The following MTRF1 variants were observed in gnomAD, a reference collection of about 807,000 sequenced individuals.
MTRF1 encodes mitochondrial translation release factor 1.
Under a neutral mutation model 62.9 loss-of-function variants are expected in MTRF1, and 51 were observed. The ratio of observed to expected loss-of-function variants is 0.81; its 90% CI spans 0.65 to 1.02. MTRF1 has a LOEUF of 1.02. Among genes scored for constraint, MTRF1 ranks in the 50% least tolerant of loss-of-function variants. The pLI, the probability that MTRF1 is intolerant of heterozygous loss-of-function variation, is 0.00. For synonymous variants in MTRF1, 158 were observed against 181.9 expected, an observed-to-expected ratio of 0.87 and a Z score of 1.06; for missense variants, 446 against 530.0, an observed-to-expected ratio of 0.84 and a Z score of 1.56.
At chr13:41,258,033 G>A (rs2039958799) in intron 2 of MTRF1, among the ~76,000 whole-genome samples, 1 of 152,194 alleles carries the variant, frequency 6.6e-6, no homozygotes, top group South Asian at 2.1e-4. Context: ...AAGGCTGAAA[G>A]AAGTTATGCC....
intron 6 of MTRF1, among the ~76,000 whole-genome samples, chr13:41,238,249 C>T (rs1327559015): frequency 6.6e-6 from 1 of 152,062 alleles, no homozygotes; most frequent in Admixed American, 6.6e-5. Context: ...CTAACTGTGT[C>T]AGAAAGCATA....
chr13:41,257,842 C>A (rs576136034), intron 2 of MTRF1: 3 of 415,044 alleles, frequency 7.2e-6, no homozygotes, highest in African/African-American at 6.1e-5. Context: ...ATATATCCTA[C>A]CTCATAAGGT....
the MTRF1 span, among the ~76,000 whole-genome samples, chr13:41,284,416 G>C: frequency 5.3e-5 from 8 of 151,238 alleles, no homozygotes; most frequent in Admixed American, 2.0e-4. Context: ...CTGGGAAGCA[G>C]AGGCTGCAGT....
chr13:41,233,975 T>A lies in MTRF1; in HGVS notation c.903A>T (p.Arg301=), dbSNP rs777548939. The change falls in exon 7 of 10, where the codon CGA becomes CGT. Residue 301 remains arginine (R), a synonymous_variant. Coordinates refer to ENST00000379480, the MANE Select transcript of MTRF1 (RefSeq NM_004294.4). ...VDVKLDPKDL[R]IDTFRAKGAG... is the part of the protein sequence containing the mutation. ...CTCCTTTGGCTCGAAATGTATCTAT[T>A]CGCAAATCCTTGGGGTCCAATTTCA... 2.0e-5 allele frequency: 33 copies of A among 1,614,160 alleles called. No homozygotes were observed. The highest frequency in any genetic ancestry group is 2.7e-5 in the Non-Finnish European group (32 of 1,179,968).
At chr13:41,278,828 T>TCTGAATGG in the MTRF1 span, among the ~76,000 whole-genome samples, 1 of 152,176 alleles carries the variant, frequency 6.6e-6, no homozygotes, top group Non-Finnish European at 1.5e-5. Flanking sequence ...CTTCCAGCCA[T>TCTGAATGG]CTGAATGGAC....
At chr13:41,244,134 T>A (rs2037914900) in intron 5 of MTRF1, among the ~76,000 whole-genome samples, 1 of 152,132 alleles carries the variant, frequency 6.6e-6, no homozygotes, top group Non-Finnish European at 1.5e-5. Context: ...ATGGGAAGAG[T>A]ATTTCTTGAA....
intron 6 of MTRF1, among the ~76,000 whole-genome samples, chr13:41,238,093 G>A (rs2036956793): frequency 1.3e-5 from 2 of 152,066 alleles, no homozygotes; most frequent in African/African-American, 4.8e-5. Flanking sequence ...CCTGGCTATA[G>A]CCACTGAAAG....
chr13:41,311,621 C>G, the MTRF1 span: 3 of 1,577,678 alleles, frequency 1.9e-6, no homozygotes, highest in Non-Finnish European at 2.6e-6. Flanking sequence ...CCCCGGTCCC[C>G]GGGTCCTCGG....
the MTRF1 span, among the ~76,000 whole-genome samples, chr13:41,289,551 T>C: frequency 6.6e-6 from 1 of 152,184 alleles, no homozygotes; most frequent in Non-Finnish European, 1.5e-5. Context: ...GTGGATTTTA[T>C]ATGACAACTG....
At chr13:41,311,442 C>A in the MTRF1 span, 3 of 1,283,008 alleles carry the variant, frequency 2.3e-6, no homozygotes, top group Non-Finnish European at 3.3e-6. Flanking sequence ...CTCTCAGCAG[C>A]GGTTCGTCCC....
intron 6 of MTRF1, chr13:41,236,714 A>G (rs1260790005): frequency 1.3e-5 from 2 of 152,208 alleles, no homozygotes; most frequent in Admixed American, 1.3e-4. Flanking sequence ...TCATGTGGCT[A>G]TAGTATATTA....
intron 8 of MTRF1, among the ~76,000 whole-genome samples, chr13:41,225,627 C>A (rs1219425239): frequency 6.6e-6 from 1 of 151,692 alleles, no homozygotes; most frequent in Non-Finnish European, 1.5e-5. Flanking sequence ...TCCTAAAAGG[C>A]CACAAAATCT....
intron 7 of MTRF1, among the ~76,000 whole-genome samples, chr13:41,228,287 C>T (rs891374726): frequency 2.0e-5 from 3 of 152,180 alleles, no homozygotes; most frequent in Non-Finnish European, 1.5e-5. Context: ...TAGAAGGGGG[C>T]TGGGCACGAT....
At chr13:41,242,555 T>C (rs1333238699) in intron 5 of MTRF1, among the ~76,000 whole-genome samples, 1 of 152,198 alleles carries the variant, frequency 6.6e-6, no homozygotes, top group African/African-American at 2.4e-5. Flanking sequence ...AGGAAATACC[T>C]CATGAGTTCA....
At chr13:41,291,378 AC>A in the MTRF1 span, among the ~76,000 whole-genome samples, 7 of 152,030 alleles carry the variant, frequency 4.6e-5, no homozygotes, top group African/African-American at 1.7e-4. Flanking sequence ...GGGTTTTGCC[AC>A]GTTGCCTAGG....
chr13:41,241,101 G>A (rs2138963747), intron 5 of MTRF1, among the ~76,000 whole-genome samples: 1 of 152,280 alleles, frequency 6.6e-6, no homozygotes, highest in East Asian at 1.9e-4. Flanking sequence ...CTGGTGTGCA[G>A]TGGTGCAATC....
the MTRF1 span, among the ~76,000 whole-genome samples, chr13:41,288,837 C>T: frequency 1.1e-4 from 16 of 152,216 alleles, no homozygotes; most frequent in Admixed American, 5.2e-4. Flanking sequence ...GGAGACAACT[C>T]GCAGTGTCAA....
chr13:41,247,242 G>C (rs2038387217), intron 5 of MTRF1, among the ~76,000 whole-genome samples: 1 of 152,186 alleles, frequency 6.6e-6, no homozygotes, highest in Non-Finnish European at 1.5e-5. Context: ...GAAGACAAAG[G>C]CTGTCAAGCT....
chr13:41,244,471 T>C (rs2037973123), intron 5 of MTRF1, among the ~76,000 whole-genome samples: 1 of 152,206 alleles, frequency 6.6e-6, no homozygotes, highest in South Asian at 2.1e-4. Flanking sequence ...TCTCTGGAAA[T>C]ATAGATGTTA....
Sources: gnomAD v4.1 joint callset for allele counts (sites outside exome capture counted in the v4.1 genomes callset) on GRCh38, gnomAD v4.1.1 for gene constraint, MANE v1.5 for transcripts, NCBI Gene and HGNC (gene_info 2026-07-23, HGNC 2026-07-21) for gene names.